Variants in IDUA observed in about 807,000 individuals in gnomAD.
IDUA encodes alpha-L-iduronidase.
Under a neutral mutation model 68.9 loss-of-function variants are expected in IDUA, and 65 were observed. The observed-to-expected ratio is 0.94, with a 90% CI of 0.77 to 1.16. IDUA has a LOEUF of 1.16. Ranked by LOEUF, IDUA falls within the 50% of genes most tolerant of loss-of-function variation. The pLI, the probability that IDUA is intolerant of heterozygous loss-of-function variation, is 0.00. For synonymous variants in IDUA, 529 were observed against 433.6 expected (o/e 1.22, Z -2.73); for missense variants, 1,046 against 938.0 (o/e 1.12, Z -1.50).
At position 1,003,400 on chromosome 4, in the gene IDUA, G is replaced by T; in HGVS notation, c.1580G>T (p.Arg527Leu). Residue 527 changes from arginine (R) to leucine (L), a missense_variant, in exon 11 of 14, where the codon CGC becomes CTC. Arg to Leu is a moderately radical substitution (Grantham distance 102, BLOSUM62 -2). Transcript: ENST00000514224. The part of the protein sequence containing the change: ...PLPAGGRLTL[R>L]PALRLPSLLL... ...CCCGCCGGCGGCCGCCTGACCCTGC[G>T]CCCCGCGCTGCGGCTGCCGTCGCTT... 2.6e-6 allele frequency: 4 copies of T among 1,522,874 alleles called. No individual in the cohort carries two copies. The highest frequency in any genetic ancestry group is 3.5e-6 in the Non-Finnish European group (4 of 1,142,124). The allele number at this position is 1,522,874 out of a possible 1,614,324, so 94.3% of individuals were successfully genotyped here.
intron 2 of IDUA, chr4:989,576 G>T (rs387907483): frequency 2.5e-6 from 4 of 1,594,886 alleles, no homozygotes; most frequent in Non-Finnish European, 3.4e-6. Flanking sequence ...CACACCTTGC[G>T]CAGGGCCCCC....
chr4:1,004,468 C>T lies in IDUA; in HGVS notation c.*75C>T. On this transcript the variant is annotated 3_prime_UTR_variant, in exon 14 of 14. Coordinates refer to ENST00000514224, the MANE Select transcript of IDUA (RefSeq NM_000203.5). The surrounding 1 kb of genome is among the most constrained non-coding windows in gnomAD (Gnocchi z 5.0). ...TGGGGCTGCACTGTGCCCATGCTGCCCTCCCATCACCCCCTTTGCAATATA... is the reference window on the plus strand; with the variant it reads ...TGGGGCTGCACTGTGCCCATGCTGCTCTCCCATCACCCCCTTTGCAATATA... 1 of 1,376,206 alleles carries T rather than the reference C, an allele frequency of 7.3e-7. No homozygotes were observed. Among genetic ancestry groups the T allele is most frequent in the South Asian group, 1.2e-5 (1 of 85,206 alleles). The allele number at this position is 1,376,206 out of a possible 1,614,324, so 85.2% of individuals were successfully genotyped here. A position where few individuals can be genotyped will look rare whatever the true frequency, so the allele number is the denominator to read the frequency against.
At chr4:997,592 G>C (rs1439485611) in intron 2 of IDUA, among the ~76,000 whole-genome samples, 5 of 152,014 alleles carry the variant, frequency 3.3e-5, no homozygotes, top group Non-Finnish European at 7.4e-5. Flanking sequence ...CCCGCGCGGG[G>C]TCTACAAGGG....
Position 987,062 on chromosome 4 carries a change from G to A in IDUA, c.-23G>A, listed in dbSNP as rs771913277. The A allele has an allele frequency of 4.0e-6, 6 of 1,498,336 alleles. No homozygotes were observed. The African/African-American group carries it at 7.3e-5, about 18-fold the overall frequency. The allele number at this position is 1,498,336 out of a possible 1,614,324, so 92.8% of individuals were successfully genotyped here. A position where few individuals can be genotyped will look rare whatever the true frequency, so the allele number is the denominator to read the frequency against. On this transcript the variant is annotated 5_prime_UTR_variant, in exon 1 of 14. Coordinates refer to ENST00000514224, the MANE Select transcript of IDUA (RefSeq NM_000203.5). Reference sequence around the variant, plus strand: ...AACCGGCAGTGCAGCCCGAAGCCCCGCAGTCCCCGAGCACGCGTGGCCATG... The same window carrying A: ...AACCGGCAGTGCAGCCCGAAGCCCCACAGTCCCCGAGCACGCGTGGCCATG...
At chr4:1,001,207 G>A (rs1715051334) in intron 4 of IDUA, 2 of 616,716 alleles carry the variant, frequency 3.2e-6, no homozygotes, top group South Asian at 1.9e-5. Flanking sequence ...GGTGGGCGAA[G>A]GCCCTGGGCC....
rs756823579 is a variant in IDUA at position 990,212 on chromosome 4, C to T, written c.299+2263C>T. The T allele has an allele frequency of 2.2e-5, 35 of 1,564,036 alleles. No homozygotes were observed. Among genetic ancestry groups the T allele is most frequent in the Admixed American group, 5.8e-5 (3 of 51,828 alleles). On this transcript the variant is annotated intron_variant, in intron 2 of 13. Transcript: ENST00000514224. Reference sequence around the variant, plus strand: ...CTCAGCCATGTGAGGACCACCATGCCGGGCCCCTGGTGCCGCGGGATCCGC... The same window carrying T: ...CTCAGCCATGTGAGGACCACCATGCTGGGCCCCTGGTGCCGCGGGATCCGC...
rs140299648 is a variant in IDUA, at chr4:989,935, G to A, written c.299+1986G>A. 1.1e-3 allele frequency: 1,653 copies of A among 1,557,274 alleles called. 2 individuals are homozygous for A. The highest frequency in any genetic ancestry group is 1.4e-3 in the Non-Finnish European group (1,612 of 1,151,726). On this transcript the variant is annotated intron_variant, in intron 2 of 13. Coordinates refer to ENST00000514224, the MANE Select transcript of IDUA (RefSeq NM_000203.5). Reference sequence around the variant, plus strand: ...CAAAGCCACACGCTGCATCAGCCTGGGCTCTGGGACCTGAGGGGGCATGAA... The same window carrying A: ...CAAAGCCACACGCTGCATCAGCCTGAGCTCTGGGACCTGAGGGGGCATGAA...
At chr4:992,339 C>T (rs555592432) in intron 2 of IDUA, 6 of 394,846 alleles carry the variant, frequency 1.5e-5, no homozygotes, top group Non-Finnish European at 2.6e-5. Context: ...CCCTCTGTCA[C>T]CTGCCCTGTG....
chr4:996,126 C>G (rs983428853), intron 2 of IDUA, among the ~76,000 whole-genome samples: 1 of 152,224 alleles, frequency 6.6e-6, no homozygotes, highest in Non-Finnish European at 1.5e-5. Context: ...TGAGCCCTTG[C>G]TTCCACCCCA....
At chr4:988,694 CG>C (rs1713947639) in intron 2 of IDUA, 1 of 1,413,020 alleles carries the variant, frequency 7.1e-7, no homozygotes, top group African/African-American at 1.4e-5. Flanking sequence ...TGGGGTTCCC[CG>C]GTTTCCCCAG....
intron 2 of IDUA, among the ~76,000 whole-genome samples, chr4:995,394 C>T (rs913655437): frequency 2.0e-5 from 3 of 152,176 alleles, no homozygotes; most frequent in Admixed American, 6.5e-5. Context: ...CAGGTCCCCC[C>T]GACTTTGACA....
intron 2 of IDUA, chr4:988,401 C>G (rs543233139): frequency 1.5e-4 from 154 of 1,055,878 alleles, no homozygotes; most frequent in Non-Finnish European, 1.7e-4. Flanking sequence ...CAGAGACCCT[C>G]GTGCACTTGG....
intron 1 of IDUA, 57 bp downstream of exon 1, chr4:987,299 C>T: frequency 1.4e-6 from 2 of 1,452,504 alleles, no homozygotes; most frequent in Non-Finnish European, 1.8e-6. Flanking sequence ...CTCGGGCGCC[C>T]CCTGACTGCG....
At position 1,002,468 on chromosome 4, in the gene IDUA, G is replaced by A; in HGVS notation, c.1172G>A (p.Gly391Glu). 3 of 1,546,516 alleles carry A rather than the reference G, an allele frequency of 1.9e-6. No individual in the cohort carries two copies. The highest frequency in any genetic ancestry group is 2.6e-6 in the Non-Finnish European group (3 of 1,145,410). ...LLRKPVLTAMGLLALLDEEQL... is the reference protein window; with the variant it reads ...LLRKPVLTAMELLALLDEEQL... ...CGCAAGCCGGTGCTCACGGCCATGG[G>A]GCTGCTGGCGCTGCTGGGTGAGCCG... The change falls in exon 8 of 14, where the codon GGG (glycine) becomes GAG (glutamate). Residue 391 changes from glycine to glutamate, a missense_variant. Transcript: ENST00000514224.
Position 999,136 on chromosome 4 carries a change from G to C in IDUA, c.300-1476G>C, listed in dbSNP as rs563691034. On this transcript the variant is annotated intron_variant, in intron 2 of 13. Coordinates refer to ENST00000514224, the MANE Select transcript of IDUA (RefSeq NM_000203.5). ...AGGAGAATGGTGTGAACCCGGGAGG[G>C]GGAGCTTGCAGTGAGCCGAGATCGC... 1.9e-3 allele frequency among the ~76,000 whole-genome samples: 287 copies of C among 151,888 alleles called. 2 individuals carry two copies. The highest frequency in any genetic ancestry group is 6.8e-3 in the Middle Eastern group (2 of 294).
Position 1,003,407 on chromosome 4 carries a change from G to A in IDUA, c.1587G>A (p.Ala529=). ...PAGGRLTLRP[A]LRLPSLLLVH... ...GCGGCCGCCTGACCCTGCGCCCCGCGCTGCGGCTGCCGTCGCTTTTGCTGG... is the reference window on the plus strand; with the variant it reads ...GCGGCCGCCTGACCCTGCGCCCCGCACTGCGGCTGCCGTCGCTTTTGCTGG... The change falls in exon 11 of 14, where the codon GCG becomes GCA. Residue 529 remains alanine (A), a synonymous_variant. Coordinates refer to ENST00000514224, the MANE Select transcript of IDUA (RefSeq NM_000203.5). The A allele has an allele frequency of 6.6e-7, 1 of 1,525,000 alleles. No individual in the cohort carries two copies. Among genetic ancestry groups the A allele is most frequent in the East Asian group, 2.5e-5 (1 of 39,804 alleles). 94.5% of individuals were successfully genotyped at this position (1,525,000 alleles called of 1,614,324 possible).
chr4:989,623 C>T lies in IDUA; in HGVS notation c.299+1674C>T, dbSNP rs148721282. The T allele has an allele frequency of 8.3e-5, 133 of 1,600,004 alleles. No individual in the cohort carries two copies. Among genetic ancestry groups the T allele is most frequent in the Admixed American group, 2.2e-4 (13 of 58,238 alleles). On this transcript the variant is annotated intron_variant, in intron 2 of 13. Coordinates refer to ENST00000514224, the MANE Select transcript of IDUA (RefSeq NM_000203.5). Reference sequence around the variant, plus strand: ...CACGATGACGCAGGCCAGCACGCTTCGCTGTAGGTCGTGGAACAGCGGTGC... The same window carrying T: ...CACGATGACGCAGGCCAGCACGCTTTGCTGTAGGTCGTGGAACAGCGGTGC...
chr4:1,001,486 A>T lies in IDUA; in HGVS notation c.512A>T (p.His171Leu). 1 of 1,613,132 alleles carries T rather than the reference A, an allele frequency of 6.2e-7. No individual in the cohort carries two copies. Among genetic ancestry groups the T allele is most frequent in the Non-Finnish European group, 8.5e-7 (1 of 1,179,944 alleles). ...TCTGCAGGTAGGTACGGACTGGCGC[A>T]TGTTTCCAAGTGGAACTTCGAGACG... ...RRYIGRYGLA[H>L]VSKWNFETWN... Residue 171 changes from histidine to leucine, a missense_variant, in exon 5 of 14, where the codon CAT (histidine) becomes CTT (leucine). Physicochemically the swap from His to Leu is moderately conservative, Grantham distance 99 (BLOSUM62 -3). Coordinates refer to ENST00000514224, the MANE Select transcript of IDUA (RefSeq NM_000203.5).
intron 2 of IDUA, among the ~76,000 whole-genome samples, chr4:996,930 G>A (rs916058036): frequency 6.6e-6 from 1 of 152,138 alleles, no homozygotes; most frequent in Non-Finnish European, 1.5e-5. Flanking sequence ...GGGCGTGGGG[G>A]CCCCAGCAAC....
Sources: gnomAD v4.1 joint callset for allele counts (sites outside exome capture counted in the v4.1 genomes callset) on GRCh38, gnomAD v4.1.1 for gene constraint, Gnocchi (gnomAD v3.1) non-coding constraint, MANE v1.5 for transcripts, NCBI Gene and HGNC (gene_info 2026-07-23, HGNC 2026-07-21) for gene names.